Variants in DSCAML1 observed in about 807,000 individuals in gnomAD.
DSCAML1 encodes the protein DS cell adhesion molecule like 1.
In DSCAML1, 38 loss-of-function variants were observed where a neutral mutation model predicts 200.5. The observed-to-expected ratio is 0.19, with a 90% confidence interval of 0.15 to 0.25. DSCAML1 has a LOEUF of 0.25. Ranked by LOEUF, DSCAML1 falls within the 10% of genes least tolerant of loss-of-function variation. The pLI, the probability that DSCAML1 is intolerant of heterozygous loss-of-function variation, is 1.00. For missense variants in DSCAML1, 2,223 were observed against 2,858.8 expected (o/e 0.78, Z 5.07); for synonymous variants, 1,215 against 1,165.0 (o/e 1.04, Z -0.87).
intron 14 of DSCAML1, among the ~76,000 whole-genome samples, chr11:117,477,888 CG>C (rs2048830064): frequency 6.6e-6 from 1 of 152,208 alleles, no homozygotes; most frequent in Admixed American, 6.5e-5. Context: ...TGGAAAGGAC[CG>C]GCTGCCTTCT....
chr11:117,815,851 C>T (rs1008846500), intron 1 of DSCAML1, among the ~76,000 whole-genome samples: 22 of 151,020 alleles, frequency 1.5e-4, no homozygotes, highest in African/African-American at 5.1e-4. Context: ...TGCCAGGGGA[C>T]CCTAAGTCTC....
rs553613801 is a variant in DSCAML1, at chr11:117,542,639, C to T, written c.512-10117G>A. 3.9e-5 allele frequency among the ~76,000 whole-genome samples: 6 copies of T among 152,346 alleles called. No individual in the cohort carries two copies. The East Asian group carries it at 7.7e-4, about 20-fold the overall frequency. Reference sequence around the variant, plus strand: ...ATATCTTAAATTGTTATAAAAACTGCGAGAAAAGCACCCCGAGGTGCATGA... The same window carrying T: ...ATATCTTAAATTGTTATAAAAACTGTGAGAAAAGCACCCCGAGGTGCATGA... On this transcript the variant is annotated intron_variant, in intron 3 of 32. Coordinates refer to ENST00000651296, the MANE Select transcript of DSCAML1 (RefSeq NM_020693.4).
In DSCAML1 at chr11:117,559,036, G is replaced by C. The variant is rs539386305; in HGVS notation, c.512-26514C>G. ...CCCTTTTCTCCTGTCTTATAAACTA[G>C]GGAAAAGGGGAGGTTGGGGAGAAGT... On this transcript the variant is annotated intron_variant, in intron 3 of 32. Coordinates refer to ENST00000651296, the MANE Select transcript of DSCAML1 (RefSeq NM_020693.4). Among the ~76,000 whole-genome samples the C allele has an allele frequency of 2.8e-4, 42 of 152,172 alleles. No individual in the cohort carries two copies. The South Asian group carries it at 5.2e-3, about 19-fold the overall frequency.
At chr11:117,621,261 T>C (rs116545050) in intron 3 of DSCAML1, among the ~76,000 whole-genome samples, 112 of 152,394 alleles carry the variant, frequency 7.3e-4, no homozygotes, top group African/African-American at 2.4e-3. Flanking sequence ...TTTTTATTGG[T>C]TGTCCTTTAG....
chr11:117,432,347 C>G lies in DSCAML1; in HGVS notation c.5179+5G>C. The G allele has an allele frequency of 6.2e-7, 1 of 1,611,796 alleles. No individual in the cohort carries two copies. The highest frequency in any genetic ancestry group is 8.5e-7 in the Non-Finnish European group (1 of 1,178,982). ...AAGGGCTGTCTCCCTGGGGATAATG[C>G]GTACTGGTTCCTGGCCGGATGTCAG... On this transcript the variant is annotated splice_donor_5th_base_variant and intron_variant, in intron 30 of 32. Coordinates refer to ENST00000651296, the MANE Select transcript of DSCAML1 (RefSeq NM_020693.4).
Position 117,503,775 on chromosome 11 carries a change from AG to A in DSCAML1, c.2359+69del. 6.7e-7 allele frequency: 1 copy of A among 1,500,212 alleles called. No homozygotes were observed. The highest frequency in any genetic ancestry group is 9.1e-7 in the Non-Finnish European group (1 of 1,103,442). 92.9% of individuals were successfully genotyped at this position (1,500,212 alleles called of 1,614,324 possible). On this transcript the variant is annotated intron_variant, in intron 11 of 32. Coordinates refer to ENST00000651296, the MANE Select transcript of DSCAML1 (RefSeq NM_020693.4). The surrounding 1 kb of genome is among the most constrained non-coding windows in gnomAD (Gnocchi z 5.2). The stretch of plus-strand genomic sequence containing the variant: ...AACGACGGAGACTAAGAGAGTAGGC[AG>A]GGAGAGTGCAGAGCCGGGGCTTGGC...
intron 3 of DSCAML1, among the ~76,000 whole-genome samples, chr11:117,560,567 G>GC (rs1333932754): frequency 6.6e-6 from 1 of 152,168 alleles, no homozygotes; most frequent in Non-Finnish European, 1.5e-5. Flanking sequence ...TTGACTCCTA[G>GC]CCAAGGCTCT....
At chr11:117,599,289 A>G (rs2051421115) in intron 3 of DSCAML1, among the ~76,000 whole-genome samples, 1 of 152,216 alleles carries the variant, frequency 6.6e-6, no homozygotes, top group African/African-American at 2.4e-5. Flanking sequence ...CTGGATGGCC[A>G]CATTTAGTTC....
intron 20 of DSCAML1, among the ~76,000 whole-genome samples, chr11:117,447,909 G>A (rs994850420): frequency 6.6e-6 from 1 of 152,192 alleles, no homozygotes; most frequent in African/African-American, 2.4e-5. Flanking sequence ...GAATATATTT[G>A]TGCAAAGTGA....
At chr11:117,536,173 G>C (rs1239503594) in intron 3 of DSCAML1, among the ~76,000 whole-genome samples, 1 of 152,244 alleles carries the variant, frequency 6.6e-6, no homozygotes, top group Admixed American at 6.5e-5. Context: ...GGGGGGGCTT[G>C]TGCAACATCA....
At chr11:117,461,830 C>T (rs2048489037) in intron 17 of DSCAML1, among the ~76,000 whole-genome samples, 1 of 152,184 alleles carries the variant, frequency 6.6e-6, no homozygotes, top group South Asian at 2.1e-4. Flanking sequence ...GACTTGGTTC[C>T]TTGCTCTCTG....
chr11:117,630,418 G>A (rs1393609820), intron 3 of DSCAML1, among the ~76,000 whole-genome samples: 1 of 152,096 alleles, frequency 6.6e-6, no homozygotes, highest in Non-Finnish European at 1.5e-5. Context: ...ACCTGGCAGT[G>A]AGTTCTGCCA....
chr11:117,687,711 G>C (rs1482587068), intron 3 of DSCAML1, among the ~76,000 whole-genome samples: 1 of 152,202 alleles, frequency 6.6e-6, no homozygotes, highest in African/African-American at 2.4e-5. Flanking sequence ...TGTTTGAAAA[G>C]TGAGGAAATC....
At chr11:117,433,042 G>A (rs1035047634) in intron 29 of DSCAML1, 96 bp downstream of exon 29, 3 of 1,059,370 alleles carry the variant, frequency 2.8e-6, no homozygotes, top group African/African-American at 1.6e-5. Flanking sequence ...CCAGAACCCT[G>A]GGCACTGCCA....
chr11:117,697,240 C>A (rs1186242462), intron 3 of DSCAML1, among the ~76,000 whole-genome samples: 1 of 152,224 alleles, frequency 6.6e-6, no homozygotes, highest in African/African-American at 2.4e-5. Context: ...CACATAGCTC[C>A]TTCTTTTGTA....
intron 3 of DSCAML1, among the ~76,000 whole-genome samples, chr11:117,747,832 G>A (rs1167945097): frequency 6.6e-6 from 1 of 152,208 alleles, no homozygotes; most frequent in East Asian, 1.9e-4. Context: ...ACCTTGCCCT[G>A]AGGGTCCAGG....
In DSCAML1 at chr11:117,688,183, A is replaced by G. The variant is rs557508819; in HGVS notation, c.511+88608T>C. 1.2e-4 allele frequency among the ~76,000 whole-genome samples: 19 copies of G among 152,360 alleles called. No homozygotes were observed. In the South Asian group the frequency reaches 2.1e-3, roughly 17 times the overall value. ...ATGGTGTCTGGGAAGATAATGACTT[A>G]GAAAATTTGGAGCGTAAAACTGCTA... On this transcript the variant is annotated intron_variant, in intron 3 of 32. Transcript: ENST00000651296.
At chr11:117,464,575 A>G (rs1565706393) in intron 17 of DSCAML1, among the ~76,000 whole-genome samples, 1 of 152,212 alleles carries the variant, frequency 6.6e-6, no homozygotes, top group South Asian at 2.1e-4. Flanking sequence ...AAAGGCAAAT[A>G]GGACCCAGGT....
chr11:117,517,586 G>A (rs901436357), intron 7 of DSCAML1, among the ~76,000 whole-genome samples: 5 of 152,208 alleles, frequency 3.3e-5, no homozygotes, highest in Non-Finnish European at 5.9e-5. Context: ...CCACACTTCT[G>A]TCAGGAGTCC....
Sources: gnomAD v4.1 joint callset for allele counts (sites outside exome capture counted in the v4.1 genomes callset) on GRCh38, gnomAD v4.1.1 for gene constraint, Gnocchi (gnomAD v3.1) non-coding constraint, MANE v1.5 for transcripts, NCBI Gene and HGNC (gene_info 2026-07-23, HGNC 2026-07-21) for gene names.